RALYL: variants seen among roughly 807,000 people sequenced by gnomAD.
RALYL encodes the protein RNA-binding Raly-like protein.
A neutral mutation model predicts 35.1 loss-of-function variants in RALYL; 29 were observed. That is an observed-to-expected ratio of 0.83 (90% CI 0.61 to 1.13). The LOEUF (loss-of-function observed/expected upper bound fraction) is 1.13. Ranked by LOEUF, RALYL falls within the 50% of genes most tolerant of loss-of-function variation. The pLI is 0.00. For synonymous variants in RALYL, 120 were observed against 127.6 expected, an observed-to-expected ratio of 0.94 and a Z score of 0.40; for missense variants, 359 against 360.4, an observed-to-expected ratio of 1.00 and a Z score of 0.03.
intron 2 of RALYL, among the ~76,000 whole-genome samples, chr8:84,617,785 G>A (rs1435398265): frequency 2.6e-5 from 4 of 151,508 alleles, no homozygotes; most frequent in Admixed American, 6.6e-5. Flanking sequence ...CTAATTTATT[G>A]AGAGTTTTTA....
Position 84,541,318 on chromosome 8 carries a change from A to G in RALYL, c.256+11741A>G, listed in dbSNP as rs149166334. 3.9e-5 allele frequency among the ~76,000 whole-genome samples: 6 copies of G among 152,156 alleles called. No homozygotes were observed. The East Asian group carries it at 1.2e-3, about 29-fold the overall frequency. On this transcript the variant is annotated intron_variant, in intron 2 of 8. Transcript: ENST00000521268. ...ATATTTTCAGAATCATTTAGTTGAT[A>G]AATATTTTCTAGTTCATGTCTATAT...
chr8:84,839,349 G>A lies in RALYL; in HGVS notation c.366-10631G>A, dbSNP rs139331398. Reference sequence around the variant, plus strand: ...CCGCACCTGGCTCGGAAGGACCTACGCTCATGGAGCCTCGCTCATTGCTAG... The same window carrying A: ...CCGCACCTGGCTCGGAAGGACCTACACTCATGGAGCCTCGCTCATTGCTAG... On this transcript the variant is annotated intron_variant, in intron 4 of 8. Coordinates refer to ENST00000521268, the MANE Select transcript of RALYL (RefSeq NM_173848.7). Among the ~76,000 whole-genome samples, 605 of 152,328 alleles carry A rather than the reference G, an allele frequency of 4.0e-3. 6 individuals carry two copies. The highest frequency in any genetic ancestry group is 0.012 in the African/African-American group (507 of 41,572).
At chr8:84,807,092 T>C (rs191761626) in intron 4 of RALYL, among the ~76,000 whole-genome samples, 1 of 152,276 alleles carries the variant, frequency 6.6e-6, no homozygotes, top group East Asian at 1.9e-4. Flanking sequence ...ATTGGTGAGA[T>C]TTTGGTGCGC....
intron 7 of RALYL, among the ~76,000 whole-genome samples, chr8:84,879,967 A>G (rs4403402): frequency 0.92 from 140,296 of 152,140 alleles, 64,814 homozygotes; most frequent in African/African-American, 0.98. Flanking sequence ...TAAAAGGCAG[A>G]ATAATTTTTT....
chr8:84,384,336 T>C (rs190977229), intron 1 of RALYL, among the ~76,000 whole-genome samples: 4,522 of 151,796 alleles, frequency 0.03, 212 homozygotes, highest in African/African-American at 0.1. Context: ...TTATACTGTC[T>C]CCTCCATATG....
At chr8:84,582,605 A>G (rs1290239070) in intron 2 of RALYL, among the ~76,000 whole-genome samples, 1 of 152,046 alleles carries the variant, frequency 6.6e-6, no homozygotes, top group African/African-American at 2.4e-5. Flanking sequence ...GGACATTGTT[A>G]TTATCTTCTT....
intron 1 of RALYL, among the ~76,000 whole-genome samples, chr8:84,429,321 G>A (rs532633743): frequency 5.9e-5 from 9 of 152,088 alleles, no homozygotes; most frequent in African/African-American, 1.4e-4. Context: ...AATAACATAC[G>A]AACAATGAAG....
chr8:84,687,727 C>T (rs957843342), intron 2 of RALYL, among the ~76,000 whole-genome samples: 3 of 151,984 alleles, frequency 2.0e-5, no homozygotes, highest in African/African-American at 4.8e-5. Context: ...TTTCTAGAAA[C>T]TTCTTTTATT....
At position 84,308,563 on chromosome 8, in the gene RALYL, A is replaced by G. The variant is rs375173426; in HGVS notation, c.-24+124139A>G. Among the ~76,000 whole-genome samples, 17 of 152,270 alleles carry G rather than the reference A, an allele frequency of 1.1e-4. No homozygotes were observed. In the East Asian group the frequency reaches 2.9e-3, roughly 26 times the overall value. On this transcript the variant is annotated intron_variant, in intron 1 of 8. Coordinates refer to ENST00000521268, the MANE Select transcript of RALYL (RefSeq NM_173848.7). ...GGTCACTTCACTTTTTAGATAGTTA[A>G]TGCATGCTAGGGAGTGAAGTTGTAA...
intron 1 of RALYL, among the ~76,000 whole-genome samples, chr8:84,387,712 C>G (rs1265399304): frequency 6.6e-6 from 1 of 151,850 alleles, no homozygotes; most frequent in South Asian, 2.1e-4. Flanking sequence ...CTTTAGCTAC[C>G]ACTCAGCTCC....
chr8:84,682,392 T>C (rs891144418), intron 2 of RALYL, among the ~76,000 whole-genome samples: 3 of 152,194 alleles, frequency 2.0e-5, no homozygotes, highest in African/African-American at 7.2e-5. Flanking sequence ...TTTCTATTGA[T>C]TGGAATAGTT....
intron 2 of RALYL, among the ~76,000 whole-genome samples, chr8:84,681,085 C>G (rs1166632631): frequency 6.6e-6 from 1 of 150,984 alleles, no homozygotes; most frequent in Non-Finnish European, 1.5e-5. Flanking sequence ...CCAGTTTTCC[C>G]AGGACCATTT....
At chr8:84,799,019 A>C (rs1427917154) in intron 3 of RALYL, among the ~76,000 whole-genome samples, 1 of 152,176 alleles carries the variant, frequency 6.6e-6, no homozygotes, top group Non-Finnish European at 1.5e-5. Flanking sequence ...TAATACTATA[A>C]ATATAGTAAT....
intron 1 of RALYL, among the ~76,000 whole-genome samples, chr8:84,206,482 A>C (rs1205572550): frequency 6.6e-6 from 1 of 152,206 alleles, no homozygotes; most frequent in Non-Finnish European, 1.5e-5. Flanking sequence ...CTGAAAAAAC[A>C]GTTTAGTGAG....
chr8:84,556,181 T>C (rs1472700), intron 2 of RALYL, among the ~76,000 whole-genome samples: 4,778 of 152,280 alleles, frequency 0.031, 231 homozygotes, highest in African/African-American at 0.11. Context: ...TTAAGTTGCA[T>C]TTTGCGTGTA....
chr8:84,427,310 A>T (rs545415817), intron 1 of RALYL, among the ~76,000 whole-genome samples: 1 of 152,154 alleles, frequency 6.6e-6, no homozygotes, highest in Non-Finnish European at 1.5e-5. Context: ...CACTGCTTCC[A>T]TATCCTCCTT....
At chr8:84,241,044 A>G (rs1205138204) in intron 1 of RALYL, among the ~76,000 whole-genome samples, 1 of 151,946 alleles carries the variant, frequency 6.6e-6, no homozygotes, top group African/African-American at 2.4e-5. Flanking sequence ...CTAAATATAT[A>G]TACTTATATA....
chr8:84,556,411 C>G (rs562744719), intron 2 of RALYL, among the ~76,000 whole-genome samples: 27 of 152,152 alleles, frequency 1.8e-4, no homozygotes, highest in Non-Finnish European at 3.7e-4. Flanking sequence ...CAAAACCAAA[C>G]AGCTAGTAAG....
chr8:84,217,435 A>AT (rs1375345168), intron 1 of RALYL, among the ~76,000 whole-genome samples: 2 of 152,094 alleles, frequency 1.3e-5, no homozygotes, highest in Non-Finnish European at 2.9e-5. Flanking sequence ...ATTATTTTTC[A>AT]TTTTGTATGT....
Sources: allele counts gnomAD v4.1 joint callset (sites outside exome capture counted in the v4.1 genomes callset), GRCh38; gene constraint gnomAD v4.1.1; transcripts MANE v1.5; gene names NCBI Gene and HGNC (gene_info 2026-07-23, HGNC 2026-07-21).